The following RSRC1 variants were observed in gnomAD, a reference collection of about 807,000 sequenced individuals.
RSRC1 encodes serine/Arginine-related protein 53.
RSRC1 carries 39 observed loss-of-function variants against 49.1 expected under a neutral mutation model. The ratio of observed to expected loss-of-function variants is 0.79; its 90% CI spans 0.61 to 1.04. RSRC1 has a LOEUF of 1.04. RSRC1 is among the 50% of genes least tolerant of loss of function. The pLI, the probability that RSRC1 is intolerant of heterozygous loss-of-function variation, is 0.00. For synonymous variants in RSRC1, 143 were observed against 130.8 expected, an observed-to-expected ratio of 1.09 and a Z score of -0.63; for missense variants, 388 against 402.4, an observed-to-expected ratio of 0.96 and a Z score of 0.31.
chr3:158,340,357 A>G (rs539923108), intron 5 of RSRC1, among the ~76,000 whole-genome samples: 1 of 152,216 alleles, frequency 6.6e-6, no homozygotes, highest in South Asian at 2.1e-4. Context: ...CCTGCCCAAT[A>G]TGGTGAAACC....
intron 4 of RSRC1, among the ~76,000 whole-genome samples, chr3:158,231,790 G>A (rs375608069): frequency 1.3e-5 from 2 of 152,178 alleles, no homozygotes; most frequent in East Asian, 3.9e-4. Context: ...GTGAAAATCT[G>A]TAGTTTTACA....
Position 158,197,371 on chromosome 3 carries a change from G to A in RSRC1, c.321-5701G>A, listed in dbSNP as rs374747255. 1.3e-4 allele frequency among the ~76,000 whole-genome samples: 19 copies of A among 151,978 alleles called. No individual in the cohort carries two copies. The South Asian group carries it at 1.5e-3, about 12-fold the overall frequency. ...TATCCCCTTTTTCATTTTTTATTGC[G>A]TCTATTGGATTCTTCTCTCTTTTCT... On this transcript the variant is annotated intron_variant, in intron 3 of 9. Transcript: ENST00000611884.
intron 6 of RSRC1, among the ~76,000 whole-genome samples, chr3:158,454,068 A>G (rs1737191781): frequency 6.6e-6 from 1 of 151,928 alleles, no homozygotes; most frequent in African/African-American, 2.4e-5. Flanking sequence ...GCTTATGTGT[A>G]TCTACTTTGC....
Position 158,460,240 on chromosome 3 carries a change from A to G in RSRC1, c.584-695A>G, listed in dbSNP as rs542863802. Among the ~76,000 whole-genome samples the G allele has an allele frequency of 4.4e-4, 67 of 152,048 alleles. 1 individual carries two copies. The highest frequency in any genetic ancestry group is 7.5e-4 in the Non-Finnish European group (51 of 67,850). On this transcript the variant is annotated intron_variant, in intron 6 of 9. Transcript: ENST00000611884. ...TAAAGGAGAATCGCTCCTTTGAGAC[A>G]TTAATGCTTTGGAATAAATGATGTG...
intron 7 of RSRC1, among the ~76,000 whole-genome samples, chr3:158,483,310 A>G (rs1738690661): frequency 6.6e-6 from 1 of 152,004 alleles, no homozygotes; most frequent in South Asian, 2.1e-4. Context: ...CCTTGTTGCA[A>G]GGATGATTTG....
intron 4 of RSRC1, among the ~76,000 whole-genome samples, chr3:158,284,389 G>T (rs1170873036): frequency 1.4e-5 from 2 of 146,330 alleles, no homozygotes; most frequent in East Asian, 2.1e-4. Context: ...ATGATTTATA[G>T]TCCTTTGGGT....
chr3:158,283,381 G>T (rs1005557137), intron 4 of RSRC1, among the ~76,000 whole-genome samples: 16 of 151,740 alleles, frequency 1.1e-4, no homozygotes, highest in African/African-American at 3.6e-4. Flanking sequence ...AACAAAAAAA[G>T]TACTCATAAT....
intron 7 of RSRC1, among the ~76,000 whole-genome samples, chr3:158,502,813 T>C (rs1048447652): frequency 2.0e-5 from 3 of 152,214 alleles, no homozygotes; most frequent in African/African-American, 7.2e-5. Context: ...CTTTCTCTGG[T>C]ACCTCCCTGA....
At chr3:158,115,863 A>G (rs1242426767) in intron 1 of RSRC1, among the ~76,000 whole-genome samples, 1 of 152,140 alleles carries the variant, frequency 6.6e-6, no homozygotes, top group African/African-American at 2.4e-5. Flanking sequence ...CCAAAAATTG[A>G]TTGTGTTAAT....
chr3:158,220,582 T>C (rs1023019736), intron 4 of RSRC1, among the ~76,000 whole-genome samples: 20 of 151,688 alleles, frequency 1.3e-4, no homozygotes, highest in Non-Finnish European at 2.8e-4. Flanking sequence ...TATGTTTAAG[T>C]TTATTTTTAT....
At chr3:158,383,768 C>T (rs927846961) in intron 6 of RSRC1, among the ~76,000 whole-genome samples, 4 of 152,078 alleles carry the variant, frequency 2.6e-5, no homozygotes, top group Admixed American at 2.6e-4. Flanking sequence ...AGACAGTATA[C>T]AAGTTTATAA....
At chr3:158,369,264 A>T (rs187884968) in intron 6 of RSRC1, among the ~76,000 whole-genome samples, 16 of 152,016 alleles carry the variant, frequency 1.1e-4, no homozygotes, top group African/African-American at 3.6e-4. Flanking sequence ...TTTTATTATA[A>T]TTTTCTCTTT....
At chr3:158,142,918 A>G (rs944105691) in intron 3 of RSRC1, among the ~76,000 whole-genome samples, 1 of 152,182 alleles carries the variant, frequency 6.6e-6, no homozygotes, top group South Asian at 2.1e-4. Flanking sequence ...CTAATTTTGT[A>G]TCATCAGTTC....
chr3:158,140,590 A>C (rs971360259), intron 3 of RSRC1, among the ~76,000 whole-genome samples: 1 of 152,190 alleles, frequency 6.6e-6, no homozygotes, highest in Non-Finnish European at 1.5e-5. Context: ...TTCAGATCTA[A>C]TGTAAATTTA....
At chr3:158,367,506 C>T (rs190592078) in intron 6 of RSRC1, among the ~76,000 whole-genome samples, 40 of 152,096 alleles carry the variant, frequency 2.6e-4, no homozygotes, top group African/African-American at 9.2e-4. Context: ...ATGGTGGATA[C>T]GCTTTTTGAT....
In RSRC1 at chr3:158,202,562, T is replaced by TTATATATATATATATATATATA. The variant is rs56789942; in HGVS notation, c.321-491_321-490insATATATATATATATATATATAT. ...TCTGTAGGGTTGTCAGTCTGGTAGA[T>TTATATATATATATATATATATA]TATATATATATATATATATGTTTTA... On this transcript the variant is annotated intron_variant, in intron 3 of 9. Transcript: ENST00000611884. Among the ~76,000 whole-genome samples the TTATATATATATATATATATATA allele has an allele frequency of 1.4e-3, 130 of 91,950 alleles. 3 individuals carry two copies. Among genetic ancestry groups the TTATATATATATATATATATATA allele is most frequent in the South Asian group, 8.1e-3 (23 of 2,838 alleles). The allele number at this position is 91,950 out of a possible 152,430, so 60.3% of individuals were successfully genotyped here.
At chr3:158,170,022 ATCT>A (rs1233349017) in intron 3 of RSRC1, among the ~76,000 whole-genome samples, 1 of 152,078 alleles carries the variant, frequency 6.6e-6, no homozygotes, top group Non-Finnish European at 1.5e-5. Flanking sequence ...TACTATATTG[ATCT>A]TCTTTAGAAT....
intron 7 of RSRC1, among the ~76,000 whole-genome samples, chr3:158,463,507 C>G (rs1737725797): frequency 6.6e-6 from 1 of 152,124 alleles, no homozygotes; most frequent in Non-Finnish European, 1.5e-5. Flanking sequence ...GTAATTCACT[C>G]TGTCACATCA....
rs1225891559 is a variant in RSRC1, at chr3:158,388,605, G to GTT, written c.583+33702_583+33703dup. On this transcript the variant is annotated intron_variant, in intron 6 of 9. Coordinates refer to ENST00000611884, the MANE Select transcript of RSRC1 (RefSeq NM_001271838.2). ...GCATTTGGGGAGCCAAATTAGCCGT[G>GTT]TTTTTTGTTTTTTTTTTTTTTTTGA... 5.4e-3 allele frequency among the ~76,000 whole-genome samples: 532 copies of GTT among 99,180 alleles called. 6 individuals carry two copies. The highest frequency in any genetic ancestry group is 0.021 in the African/African-American group (512 of 24,754). The allele number at this position is 99,180 out of a possible 152,430, so 65.1% of individuals were successfully genotyped here. A position where few individuals can be genotyped will look rare whatever the true frequency, so the allele number is the denominator to read the frequency against.
Sources: allele counts gnomAD v4.1 joint callset (sites outside exome capture counted in the v4.1 genomes callset), GRCh38; gene constraint gnomAD v4.1.1; transcripts MANE v1.5; gene names NCBI Gene and HGNC (gene_info 2026-07-23, HGNC 2026-07-21).